SDK1: variants seen among roughly 807,000 people sequenced by gnomAD.
SDK1 encodes the protein protein sidekick-1.
In SDK1, 157 loss-of-function variants were observed where a neutral mutation model predicts 245.5. The ratio of observed to expected loss-of-function variants is 0.64; its 90% CI spans 0.56 to 0.73. The LOEUF is 0.73. SDK1 is among the 30% of genes least tolerant of loss of function. SDK1 has a pLI of 0.00. For synonymous variants in SDK1, 1,647 were observed against 1,278.5 expected, an observed-to-expected ratio of 1.29 and a Z score of -6.15; for missense variants, 3,583 against 3,002.3, an observed-to-expected ratio of 1.19 and a Z score of -4.52.
chr7:3,729,633 C>A (rs553109980), intron 4 of SDK1, among the ~76,000 whole-genome samples: 1 of 152,288 alleles, frequency 6.6e-6, no homozygotes, highest in East Asian at 1.9e-4. Context: ...TTTCCCTAGA[C>A]CCTGAGGCAT....
intron 5 of SDK1, among the ~76,000 whole-genome samples, chr7:3,825,691 TTAG>T (rs1764498750): frequency 6.6e-6 from 1 of 152,084 alleles, no homozygotes; most frequent in African/African-American, 2.4e-5. Flanking sequence ...TCACGTAGGG[TTAG>T]TAGTTGAAAG....
intron 1 of SDK1, among the ~76,000 whole-genome samples, chr7:3,416,860 G>C (rs1779379342): frequency 6.6e-6 from 1 of 152,100 alleles, no homozygotes; most frequent in African/African-American, 2.4e-5. Context: ...CAGTTGGTTA[G>C]AACCTAGAAA....
chr7:3,316,605 G>A (rs1442905866), intron 1 of SDK1, among the ~76,000 whole-genome samples: 1 of 152,170 alleles, frequency 6.6e-6, no homozygotes, highest in Non-Finnish European at 1.5e-5. Context: ...CAACAATTGG[G>A]TAGTGCTTGG....
At chr7:3,950,543 T>C (rs1366234922) in intron 5 of SDK1, among the ~76,000 whole-genome samples, 1 of 152,226 alleles carries the variant, frequency 6.6e-6, no homozygotes, top group Non-Finnish European at 1.5e-5. Flanking sequence ...GTAGTCAGTC[T>C]CTTAGTGTGC....
intron 13 of SDK1, among the ~76,000 whole-genome samples, chr7:3,980,682 G>A (rs1424768756): frequency 6.6e-6 from 1 of 152,182 alleles, no homozygotes; most frequent in African/African-American, 2.4e-5. Flanking sequence ...AGAGGCTCAC[G>A]CCTGTAATCG....
chr7:3,461,224 C>T (rs1274169302), intron 1 of SDK1, among the ~76,000 whole-genome samples: 2 of 152,132 alleles, frequency 1.3e-5, no homozygotes, highest in African/African-American at 4.8e-5. Flanking sequence ...TGCATCTTGG[C>T]TTTGTCTAGT....
chr7:3,961,777 A>G (rs1202013945), intron 8 of SDK1, among the ~76,000 whole-genome samples: 1 of 152,208 alleles, frequency 6.6e-6, no homozygotes. Flanking sequence ...TGATACTGCC[A>G]TTGAGCACTC....
Position 4,179,424 on chromosome 7 carries a change from G to A in SDK1, c.5098+838G>A, listed in dbSNP as rs565081014. ...GGGGGGCAGGGGCGGCTCGGACTGC[G>A]GGGGCCAGAGGAGGGAAACACATCA... On this transcript the variant is annotated intron_variant, in intron 35 of 44. Coordinates refer to ENST00000404826, the MANE Select transcript of SDK1 (RefSeq NM_152744.4). 6.4e-4 allele frequency among the ~76,000 whole-genome samples: 98 copies of A among 152,202 alleles called. 1 individual carries two copies. Among genetic ancestry groups the A allele is most frequent in the African/African-American group, 2.2e-3 (92 of 41,534 alleles).
intron 7 of SDK1, among the ~76,000 whole-genome samples, chr7:3,954,894 A>T (rs1781134381): frequency 6.6e-6 from 1 of 152,042 alleles, no homozygotes; most frequent in South Asian, 2.1e-4. Flanking sequence ...ATAATCAGTT[A>T]TGTGACACAC....
intron 4 of SDK1, among the ~76,000 whole-genome samples, chr7:3,788,918 G>A (rs1780994915): frequency 6.6e-6 from 1 of 152,254 alleles, no homozygotes; most frequent in Non-Finnish European, 1.5e-5. Flanking sequence ...CCTGGGCATG[G>A]GATGGGATTT....
At chr7:4,097,569 T>G (rs1471130776) in intron 22 of SDK1, among the ~76,000 whole-genome samples, 3 of 152,216 alleles carry the variant, frequency 2.0e-5, no homozygotes, top group African/African-American at 7.2e-5. Context: ...CAACCTTGAT[T>G]GACTTCACTG....
intron 1 of SDK1, among the ~76,000 whole-genome samples, chr7:3,611,709 AT>A (rs1781597618): frequency 6.6e-6 from 1 of 152,146 alleles, no homozygotes; most frequent in Admixed American, 6.5e-5. Context: ...GCCAACATCT[AT>A]TATTTTTTGA....
chr7:3,849,435 C>G (rs1172681577), intron 5 of SDK1, among the ~76,000 whole-genome samples: 1 of 152,158 alleles, frequency 6.6e-6, no homozygotes, highest in Admixed American at 6.5e-5. Flanking sequence ...TTTCTAATGG[C>G]AAGAAATTAG....
At chr7:4,092,793 A>T (rs1375094883) in intron 22 of SDK1, among the ~76,000 whole-genome samples, 1 of 152,146 alleles carries the variant, frequency 6.6e-6, no homozygotes, top group African/African-American at 2.4e-5. Context: ...AGGGCCCAGG[A>T]AGGTCCTAAC....
chr7:4,100,464 G>C (rs529308354), intron 22 of SDK1, among the ~76,000 whole-genome samples: 6 of 152,290 alleles, frequency 3.9e-5, no homozygotes, highest in South Asian at 4.1e-4. Context: ...TGTGGACTGA[G>C]CGTGCCCCCA....
At chr7:3,682,565 C>T (rs1020749769) in intron 4 of SDK1, among the ~76,000 whole-genome samples, 1 of 152,278 alleles carries the variant, frequency 6.6e-6, no homozygotes, top group Non-Finnish European at 1.5e-5. Context: ...ATGCATGGGG[C>T]AGTGAGCCTT....
At chr7:3,732,510 TGAG>T (rs1193300198) in intron 4 of SDK1, among the ~76,000 whole-genome samples, 1 of 152,246 alleles carries the variant, frequency 6.6e-6, no homozygotes, top group African/African-American at 2.4e-5. Context: ...CGGTTCGGTC[TGAG>T]CTAGTTATTT....
At chr7:3,852,811 C>T (rs1028150834) in intron 5 of SDK1, among the ~76,000 whole-genome samples, 2 of 148,946 alleles carry the variant, frequency 1.3e-5, no homozygotes, top group Non-Finnish European at 3.0e-5. Flanking sequence ...AAAAACATGC[C>T]ATTTCAGGAA....
intron 2 of SDK1, among the ~76,000 whole-genome samples, chr7:3,629,631 C>G (rs1179200494): frequency 6.6e-6 from 1 of 152,196 alleles, no homozygotes; most frequent in African/African-American, 2.4e-5. Context: ...TTCTGCCTAA[C>G]AAGTCTTGAA....
Sources: allele counts gnomAD v4.1 joint callset (sites outside exome capture counted in the v4.1 genomes callset), GRCh38; gene constraint gnomAD v4.1.1; transcripts MANE v1.5; gene names NCBI Gene and HGNC (gene_info 2026-07-23, HGNC 2026-07-21).